Variants in NTN4 observed in about 807,000 individuals in gnomAD.
NTN4 encodes the protein netrin-4.
A neutral mutation model predicts 73.6 loss-of-function variants in NTN4; 32 were observed. That is an observed-to-expected ratio of 0.44 (90% CI 0.33 to 0.58). NTN4 has a LOEUF of 0.58. NTN4 is among the 20% of genes least tolerant of loss of function. The probability of loss-of-function intolerance (pLI) is 0.04; values close to 1 mark genes in which losing one functional copy is unlikely to be tolerated. For synonymous variants in NTN4, 258 were observed against 287.5 expected (o/e 0.90, Z 1.04); for missense variants, 654 against 798.3 (o/e 0.82, Z 2.18).
Position 95,781,462 on chromosome 12 carries a change from G to A in NTN4, c.585+5477C>T, listed in dbSNP as rs1314321961. On this transcript the variant is annotated intron_variant, in intron 2 of 9. Transcript: ENST00000343702. The surrounding 1 kb of genome is among the most constrained non-coding windows in gnomAD (Gnocchi z 4.1). ...ATCTGTTTTAAAAATAGCAAACCTG[G>A]GTGGGAGGAGGGCGAGCATCAGGAA... Among the ~76,000 whole-genome samples, 2 of 152,026 alleles carry A rather than the reference G, an allele frequency of 1.3e-5. No individual in the cohort carries two copies. Among genetic ancestry groups the A allele is most frequent in the African/African-American group, 4.8e-5 (2 of 41,392 alleles).
In NTN4 at chr12:95,670,224, C is replaced by G; in HGVS notation, c.1511-78G>C. ...AAAAATAAGAGATCAGCAAGTGTATCCAGATAACACATCCCTTAAGCCTTG... is the reference window on the plus strand; with the variant it reads ...AAAAATAAGAGATCAGCAAGTGTATGCAGATAACACATCCCTTAAGCCTTG... On this transcript the variant is annotated intron_variant, in intron 7 of 9. Transcript: ENST00000343702. 5.2e-6 allele frequency: 4 copies of G among 764,462 alleles called. No individual in the cohort carries two copies. In the East Asian group the frequency reaches 1.1e-4, roughly 21 times the overall value. 47.4% of individuals were successfully genotyped at this position (764,462 alleles called of 1,614,324 possible).
At chr12:95,780,302 C>G (rs1008784709) in intron 2 of NTN4, among the ~76,000 whole-genome samples, 1 of 152,000 alleles carries the variant, frequency 6.6e-6, no homozygotes, top group Non-Finnish European at 1.5e-5. Context: ...TGACAAATGG[C>G]ATCTAATGAA....
intron 2 of NTN4, among the ~76,000 whole-genome samples, chr12:95,746,620 T>G (rs2078864918): frequency 6.6e-6 from 1 of 152,218 alleles, no homozygotes; most frequent in Non-Finnish European, 1.5e-5. Context: ...GCTGGAGACT[T>G]GAGAAGGACT....
At chr12:95,700,380 T>C (rs1209419943) in intron 5 of NTN4, among the ~76,000 whole-genome samples, 2 of 152,102 alleles carry the variant, frequency 1.3e-5, no homozygotes, top group African/African-American at 4.8e-5. Flanking sequence ...CGATGCTTTT[T>C]AAAGGAATGC....
intron 2 of NTN4, among the ~76,000 whole-genome samples, chr12:95,745,377 C>A (rs1028335076): frequency 2.6e-5 from 4 of 151,956 alleles, no homozygotes; most frequent in South Asian, 2.1e-4. Flanking sequence ...CATATTGGGT[C>A]ATTTCTATTG....
At chr12:95,691,267 A>T (rs2078399484) in intron 5 of NTN4, among the ~76,000 whole-genome samples, 1 of 152,196 alleles carries the variant, frequency 6.6e-6, no homozygotes, top group African/African-American at 2.4e-5. Flanking sequence ...TTCAGTTCTG[A>T]TTCCCCAACA....
chr12:95,677,024 C>T (rs926920556), intron 7 of NTN4, among the ~76,000 whole-genome samples: 4 of 152,082 alleles, frequency 2.6e-5, no homozygotes, highest in African/African-American at 9.7e-5. Context: ...ATCTTAAGGT[C>T]AGGAGATCTA....
intron 2 of NTN4, among the ~76,000 whole-genome samples, chr12:95,754,720 C>T (rs952358664): frequency 6.6e-6 from 1 of 152,148 alleles, no homozygotes; most frequent in Non-Finnish European, 1.5e-5. Context: ...GAACAACCCC[C>T]TTTGACTGTA....
chr12:95,706,150 C>CT (rs1565890783), intron 5 of NTN4, among the ~76,000 whole-genome samples: 1 of 152,262 alleles, frequency 6.6e-6, no homozygotes, highest in East Asian at 1.9e-4. Flanking sequence ...CAAGAGGTCA[C>CT]TTTTTTTCCT....
At chr12:95,734,144 T>C (rs1411947529) in intron 3 of NTN4, among the ~76,000 whole-genome samples, 2 of 152,124 alleles carry the variant, frequency 1.3e-5, no homozygotes, top group Non-Finnish European at 2.9e-5. Context: ...TCCTATTCTT[T>C]TCGATAGTTT....
chr12:95,760,897 G>C (rs1004313671), intron 2 of NTN4, among the ~76,000 whole-genome samples: 1 of 152,056 alleles, frequency 6.6e-6, no homozygotes, highest in Non-Finnish European at 1.5e-5. Context: ...ATACTAAAAT[G>C]TAATTATTCT....
intron 7 of NTN4, among the ~76,000 whole-genome samples, chr12:95,681,671 C>T (rs545766816): frequency 1.3e-5 from 2 of 152,240 alleles, no homozygotes; most frequent in South Asian, 4.2e-4. Context: ...AAGATGAACA[C>T]AGAAGCTGAG....
chr12:95,692,192 C>T (rs143325826), intron 5 of NTN4, among the ~76,000 whole-genome samples: 2,689 of 152,170 alleles, frequency 0.018, 70 homozygotes, highest in African/African-American at 0.057. Flanking sequence ...CCCGCCACCA[C>T]GCCCAGCTAA....
chr12:95,713,845 AC>A (rs2078585320), intron 3 of NTN4, among the ~76,000 whole-genome samples: 1 of 151,974 alleles, frequency 6.6e-6, no homozygotes, highest in Non-Finnish European at 1.5e-5. Flanking sequence ...TATAATACAC[AC>A]CCTAATGGCA....
In NTN4 at chr12:95,670,027, T is replaced by C. The variant is rs747178348; in HGVS notation, c.1579+51A>G. 3.2e-5 allele frequency: 36 copies of C among 1,120,438 alleles called. No individual in the cohort carries two copies. The Middle Eastern group carries it at 9.9e-4, about 31-fold the overall frequency. The allele number at this position is 1,120,438 out of a possible 1,614,324, so 69.4% of individuals were successfully genotyped here. On this transcript the variant is annotated intron_variant, in intron 8 of 9. Coordinates refer to ENST00000343702, the MANE Select transcript of NTN4 (RefSeq NM_021229.4). The stretch of plus-strand genomic sequence containing the variant: ...GCCTCCCATTTTCTTAAAAATTCTC[T>C]GAACTTAGTGTGAATAGGTTCTCAG...
intron 7 of NTN4, among the ~76,000 whole-genome samples, chr12:95,670,829 ACTTTGAAGAATAAGTAGAATATTTTC>A (rs370562449): frequency 0.88 from 133,096 of 151,818 alleles, 58,453 homozygotes; most frequent in East Asian, 1. Context: ...TTTAAAAGGG[ACTTTGAAGAATAAGTAGAATATTTTC>A]TCCCAATAGT....
intron 2 of NTN4, among the ~76,000 whole-genome samples, chr12:95,761,311 G>A (rs955663730): frequency 4.2e-5 from 6 of 141,250 alleles, no homozygotes; most frequent in African/African-American, 1.5e-4. Flanking sequence ...CCCGAGGCAG[G>A]ACAAAAGAGA....
At chr12:95,733,835 C>T (rs541607531) in intron 3 of NTN4, among the ~76,000 whole-genome samples, 48 of 151,880 alleles carry the variant, frequency 3.2e-4, no homozygotes, top group African/African-American at 9.9e-4. Context: ...TTTGGAAGGC[C>T]GAGGCAAGCA....
At chr12:95,720,741 G>A (rs1045093023) in intron 3 of NTN4, among the ~76,000 whole-genome samples, 3 of 152,156 alleles carry the variant, frequency 2.0e-5, no homozygotes, top group African/African-American at 7.2e-5. Flanking sequence ...AAGGCATGTT[G>A]ATAAATATGT....
Sources: gnomAD v4.1 joint callset for allele counts (sites outside exome capture counted in the v4.1 genomes callset) on GRCh38, gnomAD v4.1.1 for gene constraint, Gnocchi (gnomAD v3.1) non-coding constraint, MANE v1.5 for transcripts, NCBI Gene and HGNC (gene_info 2026-07-23, HGNC 2026-07-21) for gene names.